The following MAP3K15 variants were observed in gnomAD, a reference collection of about 807,000 sequenced individuals.
The protein encoded by MAP3K15 is mitogen-activated protein kinase kinase kinase 15, also known as MAPK/ERK kinase kinase 15.
In MAP3K15, 124 loss-of-function variants were observed where a neutral mutation model predicts 99.5. The observed-to-expected ratio is 1.25, with a 90% CI of 1.08 to 1.45. The LOEUF (loss-of-function observed/expected upper bound fraction) is 1.45, where lower values mean the gene tolerates loss of function less well. Among genes scored for constraint, MAP3K15 ranks in the 40% most tolerant of loss-of-function variants. The pLI is 0.00. For synonymous variants in MAP3K15, 494 were observed against 439.6 expected, an observed-to-expected ratio of 1.12 and a Z score of -1.55; for missense variants, 1,242 against 1,079.7, an observed-to-expected ratio of 1.15 and a Z score of -2.11.
chrX:19,515,066 C>A lies in MAP3K15; in HGVS notation c.196G>T (p.Val66Leu). The change falls in exon 1 of 29, where the codon GTG becomes TTG. Residue 66 changes from valine to leucine, a missense_variant. Physicochemically the swap from Val to Leu is conservative, Grantham distance 32 (BLOSUM62 1). Transcript: ENST00000338883. ...GPRRALRAVY[V>L]RSESSQGGAA... ...CCGCCCTGGGAGCTCTCACTGCGCACGTATACTGCCCGCAGAGCCCGCCGC... is the reference window on the plus strand; with the variant it reads ...CCGCCCTGGGAGCTCTCACTGCGCAAGTATACTGCCCGCAGAGCCCGCCGC... The A allele has an allele frequency of 5.3e-6, 5 of 951,467 alleles. No homozygotes were observed. The highest frequency in any genetic ancestry group is 5.5e-6 in the Non-Finnish European group (4 of 731,774). 78.4% of individuals were successfully genotyped at this position (951,467 alleles called of 1,213,427 possible).
At chrX:19,368,566 G>A in intron 25 of MAP3K15, among the ~76,000 whole-genome samples, 2 of 112,747 alleles carry the variant, frequency 1.8e-5, no homozygotes, top group Non-Finnish European at 3.7e-5. Flanking sequence ...TGCCCGTCTA[G>A]GGATCATGAC....
In MAP3K15 at chrX:19,360,712, G is replaced by T; in HGVS notation, c.*37C>A. 1 of 1,050,650 alleles carries T rather than the reference G, an allele frequency of 9.5e-7. No individual in the cohort carries two copies. Among genetic ancestry groups the T allele is most frequent in the Non-Finnish European group, 1.3e-6 (1 of 752,208 alleles). The allele number at this position is 1,050,650 out of a possible 1,213,427, so 86.6% of individuals were successfully genotyped here. On this transcript the variant is annotated 3_prime_UTR_variant, in exon 29 of 29. Transcript: ENST00000338883. ...CAGAAGCTTTAACAAAACATGTAGC[G>T]TGGTGGGACACTCTGCCACAGCTTA...
intron 20 of MAP3K15, among the ~76,000 whole-genome samples, chrX:19,374,089 G>A (rs935785271): frequency 2.7e-5 from 3 of 111,266 alleles, no homozygotes; most frequent in South Asian, 7.6e-4. Context: ...CTTTAATCAA[G>A]GTCAGGGTTG....
At chrX:19,440,326 T>C (rs1430315937) in intron 6 of MAP3K15, among the ~76,000 whole-genome samples, 1 of 112,306 alleles carries the variant, frequency 8.9e-6, no homozygotes, top group Non-Finnish European at 1.9e-5. Flanking sequence ...TGGTCTTTGT[T>C]TCCCGATTGG....
At chrX:19,412,543 G>A (rs1384605713) in intron 11 of MAP3K15, among the ~76,000 whole-genome samples, 2 of 110,938 alleles carry the variant, frequency 1.8e-5, no homozygotes, top group African/African-American at 6.6e-5. Context: ...CGCAGGGACA[G>A]CTCAGGGGCG....
At chrX:19,475,522 C>T (rs745887453) in intron 3 of MAP3K15, among the ~76,000 whole-genome samples, 4 of 111,152 alleles carry the variant, frequency 3.6e-5, no homozygotes, top group East Asian at 2.8e-4. Flanking sequence ...AACCCCCAAT[C>T]GTGACTCTTA....
chrX:19,414,819 C>A (rs1569216065), intron 10 of MAP3K15, among the ~76,000 whole-genome samples: 1 of 111,565 alleles, frequency 9.0e-6, no homozygotes, highest in Non-Finnish European at 1.9e-5. Context: ...GCCAGTAGTG[C>A]CACCTTCTCC....
intron 4 of MAP3K15, among the ~76,000 whole-genome samples, chrX:19,463,712 A>G (rs1001355218): frequency 9.0e-6 from 1 of 111,282 alleles, no homozygotes; most frequent in African/African-American, 3.3e-5. Context: ...AAATCTAAAG[A>G]GAACACAGCA....
In MAP3K15 at chrX:19,455,896, A is replaced by G. The variant is rs761877627; in HGVS notation, c.995+1017T>C. On this transcript the variant is annotated intron_variant, in intron 6 of 28. Transcript: ENST00000338883. ...AGGCGTGATGGCTCATTTAATGGTT[A>G]TTAATCAAGCACAGGTAAATATAAA... Among the ~76,000 whole-genome samples, 5 of 111,099 alleles carry G rather than the reference A, an allele frequency of 4.5e-5. No individual in the cohort carries two copies. In the East Asian group the frequency reaches 1.4e-3, roughly 32 times the overall value.
chrX:19,514,034 G>A (rs1457684175), intron 1 of MAP3K15, among the ~76,000 whole-genome samples: 1 of 111,411 alleles, frequency 9.0e-6, no homozygotes, highest in African/African-American at 3.3e-5. Flanking sequence ...ACAGGGTGGT[G>A]GCTCACACTC....
intron 28 of MAP3K15, 47 bp from the exon 29 acceptor site, chrX:19,360,880 C>T (rs1293458166): frequency 9.9e-7 from 1 of 1,006,626 alleles, no homozygotes; most frequent in East Asian, 3.1e-5. Flanking sequence ...TTCAAGCCAA[C>T]AGAGCTTAAA....
intron 2 of MAP3K15, among the ~76,000 whole-genome samples, chrX:19,488,530 T>A (rs1490789887): frequency 4.5e-5 from 5 of 111,766 alleles, no homozygotes; most frequent in Non-Finnish European, 9.4e-5. Context: ...CAATTGCTCA[T>A]GAAGGAATTC....
At chrX:19,382,244 CAAAAA>C (rs1047109372) in intron 18 of MAP3K15, among the ~76,000 whole-genome samples, 1 of 31,569 alleles carries the variant, frequency 3.2e-5, no homozygotes, top group Non-Finnish European at 6.1e-5. Flanking sequence ...ACTCAGTCTC[CAAAAA>C]AAAAAAAAAA....
chrX:19,393,352 C>T (rs1024347377), intron 16 of MAP3K15, among the ~76,000 whole-genome samples: 2 of 111,961 alleles, frequency 1.8e-5, no homozygotes, highest in African/African-American at 6.5e-5. Context: ...AGTAAGGGGC[C>T]GGGCACGGTG....
intron 5 of MAP3K15, among the ~76,000 whole-genome samples, chrX:19,459,512 A>G (rs1416082475): frequency 8.9e-6 from 1 of 112,272 alleles, no homozygotes; most frequent in African/African-American, 3.2e-5. Flanking sequence ...ACAACAGATA[A>G]GCTGGATGAC....
chrX:19,385,733 A>G (rs1249306948), intron 18 of MAP3K15, among the ~76,000 whole-genome samples: 2 of 111,371 alleles, frequency 1.8e-5, no homozygotes, highest in Non-Finnish European at 1.9e-5. Context: ...GCTAGAACCC[A>G]TATCTTCTAC....
Position 19,385,358 on chromosome X carries a change from G to A in MAP3K15, c.2432-5081C>T, listed in dbSNP as rs771382535. Among the ~76,000 whole-genome samples, 20 of 111,659 alleles carry A rather than the reference G, an allele frequency of 1.8e-4. No individual in the cohort carries two copies. In the South Asian group the frequency reaches 7.6e-3, roughly 43 times the overall value. On this transcript the variant is annotated intron_variant, in intron 18 of 28. Transcript: ENST00000338883. ...AGACATGGCTTCCCTCAGAGAGACTGATCCGAGAGAAAGAGGAATGGCACA... is the reference window on the plus strand; with the variant it reads ...AGACATGGCTTCCCTCAGAGAGACTAATCCGAGAGAAAGAGGAATGGCACA...
At chrX:19,456,798 C>T in intron 6 of MAP3K15, 115 bp downstream of exon 6, 2 of 490,908 alleles carry the variant, frequency 4.1e-6, no homozygotes, top group South Asian at 6.2e-5. Flanking sequence ...TGTCCATCTT[C>T]ATAACCTTGG....
At chrX:19,450,631 G>A (rs1011567074) in intron 6 of MAP3K15, among the ~76,000 whole-genome samples, 3 of 108,737 alleles carry the variant, frequency 2.8e-5, no homozygotes, top group African/African-American at 9.9e-5. Context: ...AAAATCACCT[G>A]TTAACTTCAG....
Sources: allele counts gnomAD v4.1 joint callset (sites outside exome capture counted in the v4.1 genomes callset), GRCh38; gene constraint gnomAD v4.1.1; transcripts MANE v1.5; gene names NCBI Gene and HGNC (gene_info 2026-07-23, HGNC 2026-07-21).